The following FLVCR2 variants were observed in gnomAD, a reference collection of about 807,000 sequenced individuals.
FLVCR2 encodes the protein FLVCR choline and putative heme transporter 2.
A neutral mutation model predicts 48.9 loss-of-function variants in FLVCR2; 38 were observed. The observed-to-expected ratio is 0.78, with a 90% CI of 0.60 to 1.02. The LOEUF (loss-of-function observed/expected upper bound fraction) is 1.02, where lower values mean the gene tolerates loss of function less well. Ranked by LOEUF, FLVCR2 falls within the 50% of genes least tolerant of loss-of-function variation. The probability of loss-of-function intolerance (pLI) is 0.00; values close to 1 mark genes in which losing one functional copy is unlikely to be tolerated. For missense variants in FLVCR2, 664 were observed against 663.3 expected (o/e 1.00, Z -0.01); for synonymous variants, 255 against 257.0 (o/e 0.99, Z 0.07).
chr14:75,587,889 T>A (rs1259438415), intron 1 of FLVCR2, among the ~76,000 whole-genome samples: 1 of 152,198 alleles, frequency 6.6e-6, no homozygotes, highest in Non-Finnish European at 1.5e-5. Flanking sequence ...TTTGGGTAGC[T>A]CATAGCACAG....
At chr14:75,640,043 AG>A in intron 6 of FLVCR2, among the ~76,000 whole-genome samples, 1 of 152,276 alleles carries the variant, frequency 6.6e-6, no homozygotes, top group Non-Finnish European at 1.5e-5. Flanking sequence ...GCAGATCACA[AG>A]GTCAGGAGTT....
Position 75,633,671 on chromosome 14 carries a change from A to G in FLVCR2, c.995A>G (p.Asn332Ser). ...TTTTATGCCTTGTCCACTCTTCTGA[A>G]TCGCATGGTGATCTGGCACTACCCG... Reference protein sequence around the residue: ...GAFYALSTLLNRMVIWHYPGE... With the variant: ...GAFYALSTLLSRMVIWHYPGE... The change falls in exon 4 of 10, where the codon AAT (asparagine) becomes AGT (serine). Residue 332 changes from asparagine to serine, a missense_variant. Physicochemically the swap from Asn to Ser is conservative, Grantham distance 46. Coordinates refer to ENST00000238667, the MANE Select transcript of FLVCR2 (RefSeq NM_017791.3). 5 of 1,614,090 alleles carry G rather than the reference A, an allele frequency of 3.1e-6. No homozygotes were observed. Among genetic ancestry groups the G allele is most frequent in the Non-Finnish European group, 4.2e-6 (5 of 1,179,916 alleles).
rs539185900 is a variant in FLVCR2, at chr14:75,613,644, G to A, written c.670-8435G>A. ...TGGCCCACTGCAACCTCTGCCTCCC[G>A]GGTTCAAGCGATTCTCCTGCCTCAG... On this transcript the variant is annotated intron_variant, in intron 1 of 9. Transcript: ENST00000238667. 3.1e-4 allele frequency among the ~76,000 whole-genome samples: 47 copies of A among 152,094 alleles called. 1 individual carries two copies. The highest frequency in any genetic ancestry group is 1.4e-3 in the East Asian group (7 of 5,174).
rs200904933 is a variant in FLVCR2, at chr14:75,579,404, G to T, written c.432G>T (p.Leu144=). 52 of 1,613,972 alleles carry T rather than the reference G, an allele frequency of 3.2e-5. No homozygotes were observed. Among genetic ancestry groups the T allele is most frequent in the Non-Finnish European group, 4.3e-5 (51 of 1,180,042 alleles). ...YIPLLLPVAW[L]LEKFGLRTIA... ...CTCTGCTCCTGCCAGTGGCTTGGCT[G>T]CTGGAGAAGTTCGGCCTGCGCACCA... Residue 144 remains leucine (L), a synonymous_variant, in exon 1 of 10, where the codon CTG becomes CTT. Transcript: ENST00000238667.
intron 1 of FLVCR2, among the ~76,000 whole-genome samples, chr14:75,618,425 G>T (rs1368635332): frequency 6.6e-6 from 1 of 152,204 alleles, no homozygotes; most frequent in Admixed American, 6.5e-5. Flanking sequence ...ATTTTGAAAA[G>T]TATGTTCCAG....
At chr14:75,588,193 CA>C (rs1364062474) in intron 1 of FLVCR2, among the ~76,000 whole-genome samples, 2 of 152,102 alleles carry the variant, frequency 1.3e-5, no homozygotes, top group African/African-American at 2.4e-5. Context: ...TTGTAATGAA[CA>C]GAAATTTATT....
At chr14:75,618,650 A>G (rs950265186) in intron 1 of FLVCR2, among the ~76,000 whole-genome samples, 3 of 152,202 alleles carry the variant, frequency 2.0e-5, no homozygotes, top group African/African-American at 7.2e-5. Flanking sequence ...TTTTAAATTA[A>G]TGTTTCACTG....
chr14:75,623,142 C>T (rs1487185075), intron 2 of FLVCR2, among the ~76,000 whole-genome samples: 10 of 151,980 alleles, frequency 6.6e-5, no homozygotes, highest in Non-Finnish European at 7.4e-5. Flanking sequence ...TCACCATGTC[C>T]GGCTAATTTT....
chr14:75,632,091 C>G (rs968810076), intron 3 of FLVCR2, among the ~76,000 whole-genome samples: 6 of 152,116 alleles, frequency 3.9e-5, no homozygotes, highest in African/African-American at 1.4e-4. Flanking sequence ...TGTTCATGAC[C>G]TGAGCTGGGA....
In FLVCR2 at chr14:75,633,616, C is replaced by T. The variant is rs760675970; in HGVS notation, c.953-13C>T. The T allele has an allele frequency of 3.7e-6, 6 of 1,611,574 alleles. No individual in the cohort carries two copies. Among genetic ancestry groups the T allele is most frequent in the Admixed American group, 1.7e-5 (1 of 60,008 alleles). Reference sequence around the variant, plus strand: ...GCTGACCCTAATGTTGTATTTCTCGCTCCCTTCTTCAGGTCTGAATGCTGG... The same window carrying T: ...GCTGACCCTAATGTTGTATTTCTCGTTCCCTTCTTCAGGTCTGAATGCTGG... On this transcript the variant is annotated splice_polypyrimidine_tract_variant and intron_variant, in intron 3 of 9. Coordinates refer to ENST00000238667, the MANE Select transcript of FLVCR2 (RefSeq NM_017791.3).
At chr14:75,644,038 GAAA>G in intron 9 of FLVCR2, among the ~76,000 whole-genome samples, 1 of 140,508 alleles carries the variant, frequency 7.1e-6, no homozygotes, top group East Asian at 2.1e-4. Context: ...ACTCCATCTC[GAAA>G]AAAAAAAAAA....
intron 1 of FLVCR2, among the ~76,000 whole-genome samples, chr14:75,580,459 A>G (rs17103487): frequency 0.012 from 1,838 of 152,372 alleles, 35 homozygotes; most frequent in African/African-American, 0.039. Context: ...CCAAGCACGT[A>G]CAGTCCTGGC....
In FLVCR2 at chr14:75,596,275, G is replaced by T. The variant is rs1189943659; in HGVS notation, c.669+16634G>T. 8 of 527,190 alleles carry T rather than the reference G, an allele frequency of 1.5e-5. No individual in the cohort carries two copies. In the South Asian group the frequency reaches 1.6e-4, roughly 11 times the overall value. The allele number at this position is 527,190 out of a possible 1,614,324, so 32.7% of individuals were successfully genotyped here. ...TGTCTGCTTTCTAGCCTCCTATTGTGCATTGGAGGAGAGTAGACAAGGGCT... is the reference window on the plus strand; with the variant it reads ...TGTCTGCTTTCTAGCCTCCTATTGTTCATTGGAGGAGAGTAGACAAGGGCT... On this transcript the variant is annotated intron_variant, in intron 1 of 9. Transcript: ENST00000238667.
At chr14:75,595,349 G>A (rs775537229) in intron 1 of FLVCR2, among the ~76,000 whole-genome samples, 23 of 152,342 alleles carry the variant, frequency 1.5e-4, no homozygotes, top group Non-Finnish European at 2.9e-4. Flanking sequence ...TATTTCAGCA[G>A]TGGAAATCAG....
At chr14:75,598,489 G>A (rs781328123) in intron 1 of FLVCR2, among the ~76,000 whole-genome samples, 7 of 151,412 alleles carry the variant, frequency 4.6e-5, no homozygotes, top group South Asian at 2.1e-4. Context: ...TCTTTTTTCC[G>A]TTTTTAGAGA....
At chr14:75,639,304 T>C in intron 5 of FLVCR2, 48 bp from the exon 6 acceptor site, 1 of 1,127,750 alleles carries the variant, frequency 8.9e-7, no homozygotes, top group Non-Finnish European at 1.4e-6. Flanking sequence ...TGAATGAGCC[T>C]ATTAAAGTCA....
At chr14:75,585,065 T>C (rs892317303) in intron 1 of FLVCR2, among the ~76,000 whole-genome samples, 9 of 151,654 alleles carry the variant, frequency 5.9e-5, no homozygotes, top group African/African-American at 2.2e-4. Context: ...GAGGAGAAAT[T>C]GGGGCCTGGC....
chr14:75,582,505 G>T (rs565484732), intron 1 of FLVCR2, among the ~76,000 whole-genome samples: 4 of 152,176 alleles, frequency 2.6e-5, no homozygotes, highest in Non-Finnish European at 5.9e-5. Flanking sequence ...TTGTGATTTT[G>T]AGGGCCTCTA....
At chr14:75,589,087 A>C (rs540368582) in intron 1 of FLVCR2, among the ~76,000 whole-genome samples, 1 of 152,076 alleles carries the variant, frequency 6.6e-6, no homozygotes, top group Non-Finnish European at 1.5e-5. Flanking sequence ...ATGGTTGCAC[A>C]TGCCTGTAGT....
Sources: allele counts gnomAD v4.1 joint callset (sites outside exome capture counted in the v4.1 genomes callset), GRCh38; gene constraint gnomAD v4.1.1; transcripts MANE v1.5; gene names NCBI Gene and HGNC (gene_info 2026-07-23, HGNC 2026-07-21).